The following SOX5 variants were observed in gnomAD, a reference collection of about 807,000 sequenced individuals.
SOX5 encodes the protein transcription factor SOX-5.
In SOX5, 9 loss-of-function variants were observed where a neutral mutation model predicts 92.0. The observed-to-expected ratio is 0.10, with a 90% CI of 0.06 to 0.17. SOX5 has a LOEUF of 0.17. SOX5 is among the 10% of genes least tolerant of loss of function. The pLI is 1.00. For synonymous variants in SOX5, 344 were observed against 336.3 expected (o/e 1.02, Z -0.25); for missense variants, 642 against 944.5 (o/e 0.68, Z 4.20).
In SOX5 at chr12:23,619,707, T is replaced by G. The variant is rs147079778; in HGVS notation, c.1018-15174A>C. ...AAATGTGAAGTGTCCAACAGGAAAT[T>G]TTTCCTGGCATCTTTCATCCATTTA... On this transcript the variant is annotated intron_variant, in intron 8 of 14. Transcript: ENST00000451604. 7.0e-3 allele frequency among the ~76,000 whole-genome samples: 1,071 copies of G among 152,194 alleles called. 6 individuals carry two copies. Among genetic ancestry groups the G allele is most frequent in the African/African-American group, 0.024 (1,016 of 41,534 alleles).
At chr12:23,675,819 C>A (rs2085578245) in intron 6 of SOX5, among the ~76,000 whole-genome samples, 1 of 151,832 alleles carries the variant, frequency 6.6e-6, no homozygotes, top group Non-Finnish European at 1.5e-5. Context: ...TATAAGGAAC[C>A]CAACTACAAA....
chr12:23,558,802 C>A (rs538109734), intron 11 of SOX5, among the ~76,000 whole-genome samples: 1 of 152,120 alleles, frequency 6.6e-6, no homozygotes, highest in Non-Finnish European at 1.5e-5. Flanking sequence ...GGGGTTTCTC[C>A]GTATTGGTCA....
intron 2 of SOX5, among the ~76,000 whole-genome samples, chr12:24,366,218 T>C (rs968215124): frequency 6.6e-6 from 1 of 152,174 alleles, no homozygotes; most frequent in African/African-American, 2.4e-5. Flanking sequence ...ATTCTTTCTT[T>C]GCTACCTAGC....
intron 7 of SOX5, among the ~76,000 whole-genome samples, chr12:23,647,554 G>A (rs1382499812): frequency 2.0e-5 from 3 of 152,086 alleles, no homozygotes; most frequent in African/African-American, 4.8e-5. Context: ...GTAAAAGGCT[G>A]TTTTATCTAC....
intron 14 of SOX5, 35 bp downstream of exon 14, chr12:23,536,418 T>C (rs1940470975): frequency 1.3e-6 from 2 of 1,519,688 alleles, no homozygotes; most frequent in African/African-American, 2.7e-5. Flanking sequence ...AACAGGAAGT[T>C]TGCCCCATGA....
At chr12:23,895,299 A>G (rs2097166293) in intron 2 of SOX5, among the ~76,000 whole-genome samples, 1 of 152,062 alleles carries the variant, frequency 6.6e-6, no homozygotes, top group Non-Finnish European at 1.5e-5. Flanking sequence ...TTAGAAAACT[A>G]TAGTCTCTAT....
chr12:23,732,929 C>T (rs1419979158), intron 6 of SOX5, among the ~76,000 whole-genome samples: 1 of 152,112 alleles, frequency 6.6e-6, no homozygotes, highest in Non-Finnish European at 1.5e-5. Context: ...AATGTTCTGA[C>T]TTATAAATTA....
At chr12:24,448,746 G>A (rs762706639) in intron 1 of SOX5, among the ~76,000 whole-genome samples, 19 of 151,850 alleles carry the variant, frequency 1.3e-4, no homozygotes, top group Non-Finnish European at 2.6e-4. Flanking sequence ...TTTTAACTAC[G>A]TTATTGGAAT....
intron 1 of SOX5, among the ~76,000 whole-genome samples, chr12:23,944,883 G>C (rs953448206): frequency 6.6e-6 from 1 of 152,094 alleles, no homozygotes; most frequent in African/African-American, 2.4e-5. Flanking sequence ...GGAACTATAC[G>C]TGAGTTAGTA....
intron 1 of SOX5, among the ~76,000 whole-genome samples, chr12:24,392,721 TTG>T (rs570908512): frequency 6.3e-4 from 96 of 152,270 alleles, no homozygotes; most frequent in African/African-American, 2.2e-3. Context: ...GACTTTTGTT[TTG>T]TTCATTAGTA....
intron 1 of SOX5, among the ~76,000 whole-genome samples, chr12:24,387,584 G>C (rs997163175): frequency 6.6e-6 from 1 of 152,062 alleles, no homozygotes; most frequent in Non-Finnish European, 1.5e-5. Context: ...GATGGAGTGA[G>C]TCTTGGTGAA....
At chr12:24,382,188 G>C (rs1957892680) in intron 1 of SOX5, among the ~76,000 whole-genome samples, 2 of 152,198 alleles carry the variant, frequency 1.3e-5, no homozygotes, top group South Asian at 4.1e-4. Context: ...AAAGTAGGGA[G>C]AAAAGCAAGT....
chr12:23,977,395 C>G (rs182124914), intron 4 of SOX5, among the ~76,000 whole-genome samples: 1 of 152,216 alleles, frequency 6.6e-6, no homozygotes, highest in African/African-American at 2.4e-5. Context: ...GTGGGCCAAG[C>G]ATGGTGGCTA....
intron 1 of SOX5, among the ~76,000 whole-genome samples, chr12:24,551,456 AAGATTT>A (rs528791710): frequency 6.6e-6 from 1 of 152,244 alleles, no homozygotes; most frequent in Non-Finnish European, 1.5e-5. Context: ...AGCATCTGTA[AAGATTT>A]AGCTTCTCTC....
intron 6 of SOX5, among the ~76,000 whole-genome samples, chr12:23,685,990 A>G (rs1322109964): frequency 2.3e-4 from 35 of 152,118 alleles, no homozygotes; most frequent in Non-Finnish European, 1.2e-4. Context: ...AAACACAACA[A>G]TCTTCCATAC....
At chr12:24,269,733 C>T (rs1229542464) in intron 3 of SOX5, among the ~76,000 whole-genome samples, 2 of 146,878 alleles carry the variant, frequency 1.4e-5, no homozygotes, top group Admixed American at 6.8e-5. Flanking sequence ...TTTGTGGCCC[C>T]GCTGGCACGA....
intron 6 of SOX5, among the ~76,000 whole-genome samples, chr12:23,704,715 T>TATATATACAC (rs1434949526): frequency 2.0e-4 from 22 of 108,374 alleles, no homozygotes; most frequent in African/African-American, 6.8e-4. Context: ...TATATATATA[T>TATATATACAC]ACACACACAC....
rs115210033 is a variant in SOX5 at position 24,366,305 on chromosome 12, T to C, written c.-174+2258A>G. Among the ~76,000 whole-genome samples, 1,384 of 152,252 alleles carry C rather than the reference T, an allele frequency of 9.1e-3. 17 individuals are homozygous for C. The highest frequency in any genetic ancestry group is 0.031 in the African/African-American group (1,271 of 41,558). On this transcript the variant is annotated intron_variant, in intron 2 of 4. Coordinates refer to the SOX5 transcript ENST00000446891. ...AACCCAATGCCTAGTCCATGAAAATTACAAAGGTGATTCTGCTCTCTGCTC... is the reference window on the plus strand; with the variant it reads ...AACCCAATGCCTAGTCCATGAAAATCACAAAGGTGATTCTGCTCTCTGCTC...
intron 4 of SOX5, among the ~76,000 whole-genome samples, chr12:24,182,796 T>G (rs769423076): frequency 6.6e-6 from 1 of 152,148 alleles, no homozygotes; most frequent in Non-Finnish European, 1.5e-5. Flanking sequence ...TCACTGCAAC[T>G]TCCGCCTCAC....
Sources: gnomAD v4.1 joint callset for allele counts (sites outside exome capture counted in the v4.1 genomes callset) on GRCh38, gnomAD v4.1.1 for gene constraint, MANE v1.5 for transcripts, NCBI Gene and HGNC (gene_info 2026-07-23, HGNC 2026-07-21) for gene names.